The following NRG1 variants were observed in gnomAD, a reference collection of about 807,000 sequenced individuals.
The protein encoded by NRG1 is neuregulin 1, also known as pro-neuregulin-1, membrane-bound isoform.
NRG1 carries 18 observed loss-of-function variants against 63.8 expected under a neutral mutation model. That is an observed-to-expected ratio of 0.28 (90% confidence interval 0.19 to 0.42). The LOEUF (loss-of-function observed/expected upper bound fraction) is 0.42, where lower values mean the gene tolerates loss of function less well. Among genes scored for constraint, NRG1 ranks in the 10% least tolerant of loss-of-function variants. The pLI, the probability that NRG1 is intolerant of heterozygous loss-of-function variation, is 1.00. For synonymous variants in NRG1, 302 were observed against 301.3 expected (o/e 1.00, Z -0.02); for missense variants, 762 against 814.7 (o/e 0.94, Z 0.79).
At chr8:32,539,550 CT>C (rs1427471798) in intron 1 of NRG1, among the ~76,000 whole-genome samples, 1 of 152,026 alleles carries the variant, frequency 6.6e-6, no homozygotes. Flanking sequence ...CTCTGTCTGG[CT>C]TTTTTTGCGG....
chr8:32,469,334 A>C lies in NRG1; in HGVS notation c.38-126494A>C, dbSNP rs1430849672. On this transcript the variant is annotated intron_variant, in intron 1 of 10. Coordinates refer to the NRG1 transcript ENST00000519301. ...AGAAGACAGTGAAGTGGATGAAGCA[A>C]GGAGAAATCATAAAAACAAGCACAC... Among the ~76,000 whole-genome samples, 3 of 152,226 alleles carry C rather than the reference A, an allele frequency of 2.0e-5. No individual in the cohort carries two copies. The East Asian group carries it at 5.8e-4, about 29-fold the overall frequency.
At chr8:32,520,262 AG>A (rs1300231619) in intron 1 of NRG1, among the ~76,000 whole-genome samples, 2 of 151,842 alleles carry the variant, frequency 1.3e-5, no homozygotes, top group Admixed American at 1.3e-4. Context: ...TCCGGGCTTA[AG>A]TAATACTCCC....
chr8:32,436,010 TCAC>T (rs1369807355), intron 1 of NRG1, among the ~76,000 whole-genome samples: 2 of 152,168 alleles, frequency 1.3e-5, no homozygotes, highest in African/African-American at 4.8e-5. Flanking sequence ...CCTTATACAT[TCAC>T]CAGGAGTGTG....
At chr8:32,282,311 T>C (rs1486532525) in intron 1 of NRG1, among the ~76,000 whole-genome samples, 2 of 152,168 alleles carry the variant, frequency 1.3e-5, no homozygotes, top group Non-Finnish European at 2.9e-5. Flanking sequence ...CGTAGGACCT[T>C]CCACTCTGAA....
chr8:32,024,586 C>T (rs1816958578), intron 1 of NRG1, among the ~76,000 whole-genome samples: 1 of 152,162 alleles, frequency 6.6e-6, no homozygotes, highest in South Asian at 2.1e-4. Flanking sequence ...TTACCTCAAG[C>T]TTGATTTTTC....
intron 1 of NRG1, among the ~76,000 whole-genome samples, chr8:32,450,572 C>T (rs568665571): frequency 6.6e-6 from 1 of 152,258 alleles, no homozygotes; most frequent in South Asian, 2.1e-4. Context: ...CATGTCACCA[C>T]ACCTGGCTAT....
chr8:32,322,355 TTA>T (rs149742517), intron 1 of NRG1, among the ~76,000 whole-genome samples: 310 of 142,472 alleles, frequency 2.2e-3, no homozygotes, highest in Middle Eastern at 0.019. Context: ...CAACCTTATT[TTA>T]TATATATATA....
At chr8:31,927,438 ACT>A (rs1834454328) in intron 1 of NRG1, among the ~76,000 whole-genome samples, 1 of 113,640 alleles carries the variant, frequency 8.8e-6, no homozygotes, top group Non-Finnish European at 1.8e-5. Context: ...AGAGAAAACT[ACT>A]TTTTTTTTTT....
intron 1 of NRG1, among the ~76,000 whole-genome samples, chr8:32,487,714 G>A (rs1035960906): frequency 6.6e-6 from 1 of 152,180 alleles, no homozygotes; most frequent in African/African-American, 2.4e-5. Flanking sequence ...AGGGCATGCA[G>A]CATCTGCTGG....
intron 1 of NRG1, among the ~76,000 whole-genome samples, chr8:31,770,764 AATAAACATAT>A (rs1412175257): frequency 1.2e-5 from 1 of 86,932 alleles, no homozygotes; most frequent in Non-Finnish European, 2.4e-5. Context: ...CTTAAAGTAT[AATAAACATAT>A]ATATATATAT....
chr8:31,645,877 C>G (rs1184361447), intron 1 of NRG1, among the ~76,000 whole-genome samples: 1 of 152,154 alleles, frequency 6.6e-6, no homozygotes, highest in Non-Finnish European at 1.5e-5. Context: ...CTAACTCAGA[C>G]TTCTGTGTTT....
chr8:32,133,843 T>A (rs978795790), intron 1 of NRG1, among the ~76,000 whole-genome samples: 7 of 152,178 alleles, frequency 4.6e-5, no homozygotes, highest in Non-Finnish European at 7.4e-5. Flanking sequence ...AAGTAGTGAT[T>A]TCTTAGGCCT....
In NRG1 at chr8:31,640,334, C is replaced by A; in HGVS notation, c.37+903C>A. The A allele has an allele frequency of 8.4e-7, 1 of 1,183,460 alleles. No homozygotes were observed. The highest frequency in any genetic ancestry group is 3.7e-5 in the East Asian group (1 of 27,052). The allele number at this position is 1,183,460 out of a possible 1,614,324, so 73.3% of individuals were successfully genotyped here. ...GGGGCGTGGGGCGGCGATCGCGAGC[C>A]GCCAGCCGCGGGCCCACGGGCGCTG... On this transcript the variant is annotated intron_variant, in intron 1 of 10. Coordinates refer to the NRG1 transcript ENST00000519301. This position sits in a 1 kb window ranked among gnomAD's most constrained non-coding sequence, Gnocchi z 6.3.
chr8:31,858,168 A>G (rs200830550), intron 1 of NRG1, among the ~76,000 whole-genome samples: 1 of 152,000 alleles, frequency 6.6e-6, no homozygotes, highest in Non-Finnish European at 1.5e-5. Flanking sequence ...GCATGGTGGC[A>G]GGCGCCTGTA....
chr8:32,002,801 A>G (rs1813148395), intron 1 of NRG1, among the ~76,000 whole-genome samples: 1 of 152,066 alleles, frequency 6.6e-6, no homozygotes, highest in Non-Finnish European at 1.5e-5. Context: ...TCTATATGTA[A>G]ACTTCTGTGT....
intron 1 of NRG1, among the ~76,000 whole-genome samples, chr8:32,239,221 A>G (rs1185424815): frequency 6.6e-6 from 1 of 151,958 alleles, no homozygotes; most frequent in African/African-American, 2.4e-5. Context: ...AAATATGCCT[A>G]ACTTTGAGTT....
chr8:31,874,613 A>T (rs1162860862), intron 1 of NRG1, among the ~76,000 whole-genome samples: 3 of 152,194 alleles, frequency 2.0e-5, no homozygotes, highest in African/African-American at 7.2e-5. Context: ...ATTCAATTAT[A>T]CATTTTTAGT....
chr8:31,815,400 A>G (rs1823339500), intron 1 of NRG1, among the ~76,000 whole-genome samples: 1 of 152,136 alleles, frequency 6.6e-6, no homozygotes, highest in South Asian at 2.1e-4. Flanking sequence ...CTCAAGGTTC[A>G]TCCATGTTAT....
At chr8:31,798,691 T>G (rs1299521447) in intron 1 of NRG1, among the ~76,000 whole-genome samples, 1 of 152,186 alleles carries the variant, frequency 6.6e-6, no homozygotes, top group Non-Finnish European at 1.5e-5. Context: ...AATCTTTTAA[T>G]TATATGATAT....
Sources: allele counts gnomAD v4.1 joint callset (sites outside exome capture counted in the v4.1 genomes callset), GRCh38; gene constraint gnomAD v4.1.1; non-coding constraint Gnocchi (gnomAD v3.1); transcripts MANE v1.5; gene names NCBI Gene and HGNC (gene_info 2026-07-23, HGNC 2026-07-21).